DNM3: variants seen among roughly 807,000 people sequenced by gnomAD.
DNM3 encodes dynamin-3.
A neutral mutation model predicts 101.6 loss-of-function variants in DNM3; 47 were observed. The observed-to-expected ratio is 0.46, with a 90% CI of 0.37 to 0.59. The LOEUF (loss-of-function observed/expected upper bound fraction) is 0.59. Ranked by LOEUF, DNM3 falls within the 20% of genes least tolerant of loss-of-function variation. DNM3 has a pLI of 0.00. For missense variants in DNM3, 849 were observed against 1,085.7 expected, an observed-to-expected ratio of 0.78 and a Z score of 3.06; for synonymous variants, 385 against 387.9, an observed-to-expected ratio of 0.99 and a Z score of 0.09.
At chr1:172,213,693 G>C (rs761164777) in intron 14 of DNM3, among the ~76,000 whole-genome samples, 20 of 151,740 alleles carry the variant, frequency 1.3e-4, no homozygotes, top group Non-Finnish European at 2.6e-4. Context: ...GCGAGGCATG[G>C]TGGCAGGTGG....
intron 17 of DNM3, among the ~76,000 whole-genome samples, chr1:172,349,286 A>G (rs2067092505): frequency 6.6e-6 from 1 of 152,210 alleles, no homozygotes; most frequent in Non-Finnish European, 1.5e-5. Context: ...CCTCATGTGT[A>G]AACTGGGATA....
chr1:172,184,463 A>C (rs747453199), intron 14 of DNM3, among the ~76,000 whole-genome samples: 2 of 152,118 alleles, frequency 1.3e-5, no homozygotes, highest in Non-Finnish European at 2.9e-5. Context: ...TTTTTTAGAA[A>C]TTGAGAAATT....
At chr1:171,871,410 G>A (rs2035272594) in intron 1 of DNM3, among the ~76,000 whole-genome samples, 1 of 152,090 alleles carries the variant, frequency 6.6e-6, no homozygotes, top group Non-Finnish European at 1.5e-5. Flanking sequence ...TAAATCTTTG[G>A]TGTTTCTGGA....
chr1:172,153,805 C>G (rs986618870), intron 14 of DNM3, among the ~76,000 whole-genome samples: 33 of 152,170 alleles, frequency 2.2e-4, no homozygotes, highest in African/African-American at 7.2e-4. Flanking sequence ...TTGATACTTC[C>G]ATGTGGCCTT....
At chr1:171,843,134 T>A (rs969678356) in intron 1 of DNM3, among the ~76,000 whole-genome samples, 3 of 152,222 alleles carry the variant, frequency 2.0e-5, no homozygotes, top group Non-Finnish European at 4.4e-5. Context: ...AAGTACATAT[T>A]CCTTTCTCTC....
intron 2 of DNM3, among the ~76,000 whole-genome samples, chr1:171,937,154 T>G (rs2041489263): frequency 6.6e-6 from 1 of 152,236 alleles, no homozygotes; most frequent in South Asian, 2.1e-4. Context: ...CAAATCTTGT[T>G]TTGAATAACA....
chr1:171,936,702 T>C (rs2041449061), intron 2 of DNM3, among the ~76,000 whole-genome samples: 1 of 152,222 alleles, frequency 6.6e-6, no homozygotes, highest in African/African-American at 2.4e-5. Flanking sequence ...ATGTAAAGGG[T>C]GTCCATGTTT....
intron 1 of DNM3, among the ~76,000 whole-genome samples, chr1:171,888,975 G>A (rs2037016486): frequency 1.3e-5 from 2 of 152,110 alleles, no homozygotes; most frequent in African/African-American, 4.8e-5. Context: ...ACTTACGAAT[G>A]ATTTTTTGGT....
intron 18 of DNM3, among the ~76,000 whole-genome samples, chr1:172,383,587 T>C (rs1270815484): frequency 1.3e-5 from 2 of 152,204 alleles, no homozygotes; most frequent in African/African-American, 4.8e-5. Flanking sequence ...TTTAAGGAAA[T>C]GGTCTCCTTG....
At chr1:172,219,789 C>T (rs2060841487) in intron 14 of DNM3, among the ~76,000 whole-genome samples, 1 of 152,102 alleles carries the variant, frequency 6.6e-6, no homozygotes, top group African/African-American at 2.4e-5. Context: ...ATCTGCCTTC[C>T]CCAGCAAACA....
At chr1:172,022,728 G>A (rs2047932090) in intron 4 of DNM3, among the ~76,000 whole-genome samples, 1 of 151,668 alleles carries the variant, frequency 6.6e-6, no homozygotes, top group Non-Finnish European at 1.5e-5. Flanking sequence ...ATATTTCTAT[G>A]TAATCTGTTT....
chr1:172,025,807 A>C (rs1015280210), intron 4 of DNM3, among the ~76,000 whole-genome samples: 2 of 152,226 alleles, frequency 1.3e-5, no homozygotes, highest in Admixed American at 1.3e-4. Flanking sequence ...GAAGATCACC[A>C]ACCTCAAAGA....
chr1:171,887,078 G>GA (rs1366252336), intron 1 of DNM3, among the ~76,000 whole-genome samples: 1 of 152,198 alleles, frequency 6.6e-6, no homozygotes, highest in Non-Finnish European at 1.5e-5. Context: ...TGCTGTGAGA[G>GA]AAAACTCAAT....
At chr1:172,141,693 G>A (rs779094659) in intron 14 of DNM3, among the ~76,000 whole-genome samples, 3 of 152,014 alleles carry the variant, frequency 2.0e-5, no homozygotes, top group Non-Finnish European at 4.4e-5. Flanking sequence ...GGCGAGAGGT[G>A]GGGGTAGATA....
At chr1:172,171,035 G>C (rs562621102) in intron 14 of DNM3, among the ~76,000 whole-genome samples, 18 of 151,872 alleles carry the variant, frequency 1.2e-4, no homozygotes, top group South Asian at 4.1e-4. Context: ...GATCTCTTCT[G>C]TATGCTGGTC....
intron 8 of DNM3, among the ~76,000 whole-genome samples, chr1:172,042,365 G>A (rs1456483087): frequency 1.3e-5 from 2 of 152,072 alleles, no homozygotes; most frequent in Non-Finnish European, 2.9e-5. Context: ...AATACTAATT[G>A]AGTTTCCTAG....
intron 14 of DNM3, among the ~76,000 whole-genome samples, chr1:172,215,239 G>A (rs548904017): frequency 1.3e-5 from 2 of 152,216 alleles, no homozygotes; most frequent in South Asian, 4.1e-4. Flanking sequence ...ATAGCAACTT[G>A]AATCCTCTTG....
intron 1 of DNM3, among the ~76,000 whole-genome samples, chr1:171,845,684 A>G (rs764499416): frequency 1.1e-4 from 16 of 152,264 alleles, no homozygotes; most frequent in Non-Finnish European, 2.9e-5. Context: ...TTATTAAAAG[A>G]TAAGTATTTT....
chr1:172,262,852 G>T (rs2148718315), intron 15 of DNM3, among the ~76,000 whole-genome samples: 1 of 152,162 alleles, frequency 6.6e-6, no homozygotes, highest in Non-Finnish European at 1.5e-5. Flanking sequence ...TGTGACCTTT[G>T]GAGGTTCCTG....
Sources: allele counts gnomAD v4.1 joint callset (sites outside exome capture counted in the v4.1 genomes callset), GRCh38; gene constraint gnomAD v4.1.1; transcripts MANE v1.5; gene names NCBI Gene and HGNC (gene_info 2026-07-23, HGNC 2026-07-21).